Variants in LHFPL6 observed in about 807,000 individuals in gnomAD.
The protein encoded by LHFPL6 is LHFPL tetraspan subfamily member 6 protein.
LHFPL6 carries 9 observed loss-of-function variants against 20.6 expected under a neutral mutation model. That is an observed-to-expected ratio of 0.44 (90% CI 0.26 to 0.76). The LOEUF (loss-of-function observed/expected upper bound fraction) is 0.76, where lower values mean the gene tolerates loss of function less well. Ranked by LOEUF, LHFPL6 falls within the 30% of genes least tolerant of loss-of-function variation. LHFPL6 has a pLI of 0.20. For missense variants in LHFPL6, 218 were observed against 253.5 expected (o/e 0.86, Z 0.95); for synonymous variants, 105 against 98.7 (o/e 1.06, Z -0.38).
chr13:39,369,531 C>T (rs1415079246), intron 3 of LHFPL6, among the ~76,000 whole-genome samples: 1 of 147,076 alleles, frequency 6.8e-6, no homozygotes, highest in Admixed American at 6.9e-5. Flanking sequence ...AACATGATGG[C>T]AGCTGCTGTT....
intron 2 of LHFPL6, among the ~76,000 whole-genome samples, chr13:39,465,492 AG>A (rs1223209560): frequency 6.6e-6 from 1 of 152,160 alleles, no homozygotes; most frequent in Admixed American, 6.5e-5. Context: ...ATGAAATTTT[AG>A]GTTTAAAAAT....
In LHFPL6 at chr13:39,599,445, G is replaced by A. The variant is rs563681160; in HGVS notation, c.385+1387C>T. Among the ~76,000 whole-genome samples, 3 of 152,266 alleles carry A rather than the reference G, an allele frequency of 2.0e-5. No homozygotes were observed. In the South Asian group the frequency reaches 6.2e-4, roughly 32 times the overall value. ...TCTTTAGGTTTCCTAATAGTTTTAA[G>A]TACATACCTGTGTAAATATACATAT... is the stretch of plus-strand genomic sequence containing the variant. On this transcript the variant is annotated intron_variant, in intron 2 of 3. Coordinates refer to ENST00000379589, the MANE Select transcript of LHFPL6 (RefSeq NM_005780.3).
chr13:39,389,288 C>T (rs1238866570), intron 2 of LHFPL6, among the ~76,000 whole-genome samples: 7 of 152,098 alleles, frequency 4.6e-5, no homozygotes, highest in Non-Finnish European at 8.8e-5. Context: ...AACCAAATTC[C>T]CTTGGAAGAA....
chr13:39,435,857 G>A (rs1244121872), intron 2 of LHFPL6, among the ~76,000 whole-genome samples: 17 of 151,894 alleles, frequency 1.1e-4, no homozygotes, highest in Admixed American at 1.1e-3. Context: ...TATTGAAACA[G>A]GTCATATGCA....
chr13:39,574,108 C>T (rs1004504379), intron 2 of LHFPL6, among the ~76,000 whole-genome samples: 1 of 152,226 alleles, frequency 6.6e-6, no homozygotes, highest in Non-Finnish European at 1.5e-5. Context: ...CAGTAGCCTG[C>T]TGCATACTCC....
At chr13:39,576,849 G>T (rs1464713089) in intron 2 of LHFPL6, among the ~76,000 whole-genome samples, 1 of 151,986 alleles carries the variant, frequency 6.6e-6, no homozygotes, top group African/African-American at 2.4e-5. Context: ...CGTTGCTTGG[G>T]CTCTTAATAA....
At chr13:39,553,615 A>C (rs1871209452) in intron 2 of LHFPL6, among the ~76,000 whole-genome samples, 1 of 152,170 alleles carries the variant, frequency 6.6e-6, no homozygotes, top group South Asian at 2.1e-4. Flanking sequence ...CTACTCAGGA[A>C]GCTGAGGTGG....
intron 2 of LHFPL6, among the ~76,000 whole-genome samples, chr13:39,478,478 T>C (rs1178945053): frequency 6.6e-6 from 1 of 152,184 alleles, no homozygotes; most frequent in Non-Finnish European, 1.5e-5. Context: ...GTGTCTCTCT[T>C]AAATCTAGCT....
In LHFPL6 at chr13:39,571,896, G is replaced by C. The variant is rs992597634; in HGVS notation, c.385+28936C>G. On this transcript the variant is annotated intron_variant, in intron 2 of 3. Coordinates refer to ENST00000379589, the MANE Select transcript of LHFPL6 (RefSeq NM_005780.3). ...TGCTTCTGTGTCAGCACCCAGAGTG[G>C]CTGGCCGGATCCTACGCTCGCTTGC... 2.0e-5 allele frequency among the ~76,000 whole-genome samples: 3 copies of C among 152,312 alleles called. No homozygotes were observed. The Middle Eastern group carries it at 0.01, about 518-fold the overall frequency.
intron 2 of LHFPL6, among the ~76,000 whole-genome samples, chr13:39,465,420 C>T (rs1456709053): frequency 6.6e-6 from 1 of 152,030 alleles, no homozygotes. Context: ...TAACTCATTC[C>T]CCTAATTTAG....
At chr13:39,469,493 G>C (rs911668514) in intron 2 of LHFPL6, among the ~76,000 whole-genome samples, 2 of 152,092 alleles carry the variant, frequency 1.3e-5, no homozygotes, top group African/African-American at 4.8e-5. Flanking sequence ...TTTACATCAG[G>C]CTGCCCACAC....
rs1872365193 is a variant in LHFPL6, at chr13:39,583,903, C to A, written c.385+16929G>T. 3.3e-5 allele frequency among the ~76,000 whole-genome samples: 5 copies of A among 152,178 alleles called. No individual in the cohort carries two copies. In the South Asian group the frequency reaches 1.0e-3, roughly 32 times the overall value. On this transcript the variant is annotated intron_variant, in intron 2 of 3. Coordinates refer to ENST00000379589, the MANE Select transcript of LHFPL6 (RefSeq NM_005780.3). ...TAGTGTGCCTCGAAGGCAACTTGCT[C>A]CCTCACACCCAAGCGCCTCGTCTTG... is the stretch of plus-strand genomic sequence containing the variant.
intron 2 of LHFPL6, among the ~76,000 whole-genome samples, chr13:39,548,852 T>G (rs944276764): frequency 2.0e-5 from 3 of 151,956 alleles, no homozygotes; most frequent in Non-Finnish European, 2.9e-5. Flanking sequence ...GTCATGGAAA[T>G]GCAGGAGCCA....
intron 2 of LHFPL6, among the ~76,000 whole-genome samples, chr13:39,380,422 A>C (rs891368270): frequency 1.3e-5 from 2 of 152,108 alleles, no homozygotes; most frequent in African/African-American, 4.8e-5. Flanking sequence ...CAGGCAAGCA[A>C]GTAAAGTTTC....
intron 2 of LHFPL6, among the ~76,000 whole-genome samples, chr13:39,568,208 C>T (rs1374928365): frequency 6.6e-6 from 1 of 150,998 alleles, no homozygotes; most frequent in Non-Finnish European, 1.5e-5. Flanking sequence ...GTCTTTGTAA[C>T]AGCAGAGAAT....
At chr13:39,508,943 C>T (rs1393951606) in intron 2 of LHFPL6, among the ~76,000 whole-genome samples, 1 of 152,032 alleles carries the variant, frequency 6.6e-6, no homozygotes, top group Non-Finnish European at 1.5e-5. Flanking sequence ...AATGGTTGTA[C>T]CATTTTACAT....
intron 2 of LHFPL6, among the ~76,000 whole-genome samples, chr13:39,551,615 G>A (rs1463050147): frequency 6.6e-6 from 1 of 152,060 alleles, no homozygotes; most frequent in African/African-American, 2.4e-5. Flanking sequence ...GAGTCATCTT[G>A]TCAACCTCTA....
intron 2 of LHFPL6, among the ~76,000 whole-genome samples, chr13:39,488,263 G>A (rs1329022164): frequency 6.6e-6 from 1 of 152,216 alleles, no homozygotes; most frequent in Non-Finnish European, 1.5e-5. Context: ...ACTGTCAGAA[G>A]TAAATGTTTG....
chr13:39,543,529 T>C (rs1870876609), intron 2 of LHFPL6, among the ~76,000 whole-genome samples: 3 of 152,230 alleles, frequency 2.0e-5, no homozygotes, highest in African/African-American at 7.2e-5. Context: ...AGTATCTTTC[T>C]GAAGTTTCTT....
Sources: allele counts gnomAD v4.1 joint callset (sites outside exome capture counted in the v4.1 genomes callset), GRCh38; gene constraint gnomAD v4.1.1; transcripts MANE v1.5; gene names NCBI Gene and HGNC (gene_info 2026-07-23, HGNC 2026-07-21).